ZNF536: variants seen among roughly 807,000 people sequenced by gnomAD.
ZNF536 encodes the protein zinc finger protein 536.
ZNF536 carries 13 observed loss-of-function variants against 84.5 expected under a neutral mutation model. The observed-to-expected ratio is 0.15, with a 90% CI of 0.10 to 0.24. The LOEUF is 0.24. Ranked by LOEUF, ZNF536 falls within the 10% of genes least tolerant of loss-of-function variation. The pLI is 1.00. For synonymous variants in ZNF536, 811 were observed against 742.5 expected (o/e 1.09, Z -1.50); for missense variants, 1,536 against 1,747.5 (o/e 0.88, Z 2.16).
intron 2 of ZNF536, among the ~76,000 whole-genome samples, chr19:30,462,444 A>G (rs2053184120): frequency 6.6e-6 from 1 of 151,968 alleles, no homozygotes; most frequent in Non-Finnish European, 1.5e-5. Context: ...AGGTGTAGGT[A>G]GCTGCGGGTG....
At chr19:30,279,385 G>A (rs913475204) in intron 1 of ZNF536, among the ~76,000 whole-genome samples, 1 of 152,032 alleles carries the variant, frequency 6.6e-6, no homozygotes, top group Non-Finnish European at 1.5e-5. Flanking sequence ...CTGATTCTCC[G>A]AGAGAAAGCT....
intron 1 of ZNF536, among the ~76,000 whole-genome samples, chr19:30,572,658 C>T (rs532527592): frequency 2.0e-5 from 3 of 152,160 alleles, no homozygotes; most frequent in Non-Finnish European, 4.4e-5. Flanking sequence ...AAGATGACAT[C>T]TCTCGTGGGG....
chr19:30,237,322 CTT>C (rs1215917700), intron 1 of ZNF536, among the ~76,000 whole-genome samples: 3 of 152,118 alleles, frequency 2.0e-5, no homozygotes, highest in Admixed American at 6.5e-5. Context: ...GAATCTGTCT[CTT>C]TGACTCACTT....
chr19:30,347,891 C>G (rs2047800063), intron 2 of ZNF536, among the ~76,000 whole-genome samples: 1 of 152,188 alleles, frequency 6.6e-6, no homozygotes, highest in Admixed American at 6.5e-5. Context: ...AGATGGGTGA[C>G]CAAACCCCTA....
At chr19:30,651,393 C>T (rs1363626272) in intron 1 of ZNF536, among the ~76,000 whole-genome samples, 1 of 152,310 alleles carries the variant, frequency 6.6e-6, no homozygotes, top group South Asian at 2.1e-4. Context: ...TGCTATTCTT[C>T]CCATACTTAA....
chr19:30,415,284 C>CCTCCTTCTTCTTCTT (rs1555750650), intron 1 of ZNF536, among the ~76,000 whole-genome samples: 30 of 120,184 alleles, frequency 2.5e-4, no homozygotes, highest in Non-Finnish European at 4.4e-4. Context: ...TCCTCCTCCT[C>CCTCCTTCTTCTTCTT]CTTCTTCTTC....
At chr19:30,604,902 G>A (rs935267648) in intron 1 of ZNF536, among the ~76,000 whole-genome samples, 1 of 152,194 alleles carries the variant, frequency 6.6e-6, no homozygotes, top group Non-Finnish European at 1.5e-5. Flanking sequence ...TTCTGGAGAA[G>A]GGACAGCAGG....
chr19:30,378,394 C>G (rs2048894884), intron 1 of ZNF536, among the ~76,000 whole-genome samples: 1 of 152,216 alleles, frequency 6.6e-6, no homozygotes, highest in Admixed American at 6.5e-5. Context: ...CTCCTGACCT[C>G]AGGTGATCTG....
At chr19:30,613,062 A>G (rs2048156320) in intron 1 of ZNF536, among the ~76,000 whole-genome samples, 1 of 152,202 alleles carries the variant, frequency 6.6e-6, no homozygotes, top group Non-Finnish European at 1.5e-5. Flanking sequence ...TTATGATTAG[A>G]TTGAAGCTAT....
At chr19:30,413,013 A>G (rs1156675586) in intron 1 of ZNF536, among the ~76,000 whole-genome samples, 2 of 150,874 alleles carry the variant, frequency 1.3e-5, no homozygotes, top group African/African-American at 4.9e-5. Flanking sequence ...AATGGTATAA[A>G]GTTGTTCTGT....
chr19:30,345,264 C>T (rs1335933473), intron 2 of ZNF536, among the ~76,000 whole-genome samples: 2 of 152,198 alleles, frequency 1.3e-5, no homozygotes, highest in East Asian at 1.9e-4. Context: ...TGAGTGCACT[C>T]AGCTCCTTTC....
intron 1 of ZNF536, among the ~76,000 whole-genome samples, chr19:30,585,902 A>T (rs1161520656): frequency 6.6e-6 from 1 of 152,184 alleles, no homozygotes; most frequent in East Asian, 1.9e-4. Flanking sequence ...TGATGTCTGA[A>T]ATATCAGTAT....
chr19:30,470,896 C>G (rs2053605448), intron 2 of ZNF536, among the ~76,000 whole-genome samples: 1 of 151,932 alleles, frequency 6.6e-6, no homozygotes, highest in Admixed American at 6.6e-5. Context: ...CCATGTTGTC[C>G]AAACTGGTCT....
chr19:30,325,502 G>A (rs1278448626), intron 2 of ZNF536, among the ~76,000 whole-genome samples: 9 of 152,174 alleles, frequency 5.9e-5, no homozygotes, highest in Admixed American at 5.2e-4. Context: ...TCTGGGGGCT[G>A]TTTTGGGGCT....
rs533976518 is a variant in ZNF536, at chr19:30,615,032, C to T, written c.169+65518C>T. ...CGCGATCTCGACTCACTGCAAGCTC[C>T]GCCTCCCGGGTTCACGCCATTCTCC... On this transcript the variant is annotated intron_variant, in intron 1 of 1. Transcript: ENST00000592773. Among the ~76,000 whole-genome samples, 22 of 129,222 alleles carry T rather than the reference C, an allele frequency of 1.7e-4. No homozygotes were observed. The East Asian group carries it at 4.7e-3, about 27-fold the overall frequency. The allele number at this position is 129,222 out of a possible 152,430, so 84.8% of individuals were successfully genotyped here.
chr19:30,491,701 A>C (rs1261679997), intron 2 of ZNF536, among the ~76,000 whole-genome samples: 1 of 152,202 alleles, frequency 6.6e-6, no homozygotes, highest in East Asian at 1.9e-4. Flanking sequence ...AGGTGCTAGA[A>C]ATCACAATTT....
chr19:30,504,434 T>G, intron 2 of ZNF536, among the ~76,000 whole-genome samples: 1 of 129,042 alleles, frequency 7.7e-6, no homozygotes, highest in African/African-American at 3.0e-5. Flanking sequence ...CTTCCTTCCT[T>G]CCTTCCTTCC....
intron 1 of ZNF536, among the ~76,000 whole-genome samples, chr19:30,381,104 C>T (rs1340437934): frequency 6.6e-6 from 1 of 152,164 alleles, no homozygotes; most frequent in Non-Finnish European, 1.5e-5. Flanking sequence ...TCTTGAACTC[C>T]TGGCCTCAAG....
chr19:30,548,682 G>A lies in ZNF536; in HGVS notation c.3063G>A (p.Gln1021=), dbSNP rs549916628. Residue 1021 remains glutamine, a synonymous_variant, in exon 4 of 5, where the codon CAG becomes CAA. Transcript: ENST00000355537. ...SSMELMALHL[Q]ANHLGKAKRK... ...TGGAGCTCATGGCCCTTCATCTCCAGGCCAACCACCTGGGCAAAGCGAAAC... is the reference window on the plus strand; with the variant it reads ...TGGAGCTCATGGCCCTTCATCTCCAAGCCAACCACCTGGGCAAAGCGAAAC... The A allele has an allele frequency of 1.2e-6, 2 of 1,613,992 alleles. No individual in the cohort carries two copies. The highest frequency in any genetic ancestry group is 3.3e-5 in the Admixed American group (2 of 60,016).
Sources: gnomAD v4.1 joint callset for allele counts (sites outside exome capture counted in the v4.1 genomes callset) on GRCh38, gnomAD v4.1.1 for gene constraint, MANE v1.5 for transcripts, NCBI Gene and HGNC (gene_info 2026-07-23, HGNC 2026-07-21) for gene names.